Variants in SLAMF9 observed in about 807,000 individuals in gnomAD.
SLAMF9 encodes SLAM family member 9.
A neutral mutation model predicts 30.4 loss-of-function variants in SLAMF9; 25 were observed. That is an observed-to-expected ratio of 0.82 (90% confidence interval 0.60 to 1.15). The LOEUF is 1.15. Among genes scored for constraint, SLAMF9 ranks in the 50% most tolerant of loss-of-function variants. The pLI, the probability that SLAMF9 is intolerant of heterozygous loss-of-function variation, is 0.00. For synonymous variants in SLAMF9, 129 were observed against 127.2 expected, an observed-to-expected ratio of 1.01 and a Z score of -0.09; for missense variants, 344 against 346.1, an observed-to-expected ratio of 0.99 and a Z score of 0.05.
intron 1 of SLAMF9, 37 bp from the exon 2 acceptor site, chr1:159,953,690 G>T: frequency 6.5e-7 from 1 of 1,549,780 alleles, no homozygotes; most frequent in Non-Finnish European, 8.7e-7. Context: ...CAACCCAGCT[G>T]CTGTCTCTGG....
intron 2 of SLAMF9, 81 bp downstream of exon 2, chr1:159,953,228 G>T: frequency 8.4e-7 from 1 of 1,194,098 alleles, no homozygotes; most frequent in Non-Finnish European, 1.2e-6. Flanking sequence ...ATAACCCCAA[G>T]TCCTGAGACG....
the SLAMF9 span, among the ~76,000 whole-genome samples, chr1:159,960,543 G>A: frequency 6.7e-6 from 1 of 148,950 alleles, no homozygotes; most frequent in African/African-American, 2.5e-5. Context: ...TCGGCTAACT[G>A]CAACCTCCAC....
Position 159,951,756 on chromosome 1 carries a change from C to A in SLAMF9, c.775G>T (p.Val259Phe). 6.2e-7 allele frequency: 1 copy of A among 1,614,138 alleles called. No homozygotes were observed. The highest frequency in any genetic ancestry group is 8.5e-7 in the Non-Finnish European group (1 of 1,180,028). The change falls in exon 4 of 4, where the codon GTC becomes TTC. Residue 259 changes from valine (V) to phenylalanine (F), a missense_variant. Transcript: ENST00000368093. ...CTTGGCATTTTGTGTCTTTTCTGGA[C>A]TCGGATGACCCAGAGTCCCATGGCC... ...ILAMGLWVIRVQKRHKMPRMK... is the reference protein window; with the variant it reads ...ILAMGLWVIRFQKRHKMPRMK...
chr1:159,953,971 A>G, intron 1 of SLAMF9, 121 bp downstream of exon 1: 1 of 1,235,132 alleles, frequency 8.1e-7, no homozygotes, highest in Non-Finnish European at 1.2e-6. Flanking sequence ...TACTCCTTGT[A>G]ACTCCAGAAG....
At chr1:159,959,949 C>T in the SLAMF9 span, among the ~76,000 whole-genome samples, 1 of 152,074 alleles carries the variant, frequency 6.6e-6, no homozygotes, top group Non-Finnish European at 1.5e-5. Flanking sequence ...ATTCTAACAT[C>T]TTGCTTGTAG....
At position 159,953,382 on chromosome 1, in the gene SLAMF9, C is replaced by T. The variant is rs757009282; in HGVS notation, c.318G>A (p.Gly106=). ...HISNLSWEDS[G]LYQAQVNLRT... ...TCAGGTTGACTTGAGCTTGGTAAAG[C>T]CCTGAATCCTCCCAGCTCAGATTGC... is the stretch of plus-strand genomic sequence containing the variant. The change falls in exon 2 of 4, where the codon GGG becomes GGA. Residue 106 remains glycine (G), a synonymous_variant. Coordinates refer to ENST00000368093, the MANE Select transcript of SLAMF9 (RefSeq NM_033438.4). 3 of 1,614,174 alleles carry T rather than the reference C, an allele frequency of 1.9e-6. No individual in the cohort carries two copies. The highest frequency in any genetic ancestry group is 2.5e-6 in the Non-Finnish European group (3 of 1,180,006).
upstream of SLAMF9, among the ~76,000 whole-genome samples, chr1:159,955,888 A>G (rs1651912006): frequency 6.6e-6 from 1 of 152,240 alleles, no homozygotes; most frequent in Non-Finnish European, 1.5e-5. Context: ...ATAAAACCTG[A>G]GGGATTAGAA....
In SLAMF9 at chr1:159,952,152, G is replaced by A. The variant is rs1180474779; in HGVS notation, c.664+110C>T. On this transcript the variant is annotated intron_variant, in intron 3 of 3. Transcript: ENST00000368093. Reference sequence around the variant, plus strand: ...CAGGTGTCAAGCCTCCATGGGAGGGGGTTAGCTTCTGAATTCCCTGGGCTC... The same window carrying A: ...CAGGTGTCAAGCCTCCATGGGAGGGAGTTAGCTTCTGAATTCCCTGGGCTC... 7 of 1,293,238 alleles carry A rather than the reference G, an allele frequency of 5.4e-6. No homozygotes were observed. In the East Asian group the frequency reaches 9.3e-5, roughly 17 times the overall value. 80.1% of individuals were successfully genotyped at this position (1,293,238 alleles called of 1,614,324 possible). A position where few individuals can be genotyped will look rare whatever the true frequency, so the allele number is the denominator to read the frequency against.
chr1:159,975,026 G>A, the SLAMF9 span, among the ~76,000 whole-genome samples: 1 of 152,148 alleles, frequency 6.6e-6, no homozygotes, highest in Non-Finnish European at 1.5e-5. Flanking sequence ...GGGTTTCCAA[G>A]TGTGGTCTGA....
upstream of SLAMF9, among the ~76,000 whole-genome samples, chr1:159,956,451 C>A (rs1651924611): frequency 1.3e-5 from 2 of 151,836 alleles, no homozygotes; most frequent in South Asian, 2.1e-4. Context: ...CAGAGACCAC[C>A]CAGAATAGAG....
chr1:159,952,331 T>A lies in SLAMF9; in HGVS notation c.595A>T (p.Thr199Ser), dbSNP rs779002265. 3 of 1,613,910 alleles carry A rather than the reference T, an allele frequency of 1.9e-6. No individual in the cohort carries two copies. The highest frequency in any genetic ancestry group is 2.5e-6 in the Non-Finnish European group (3 of 1,179,950). The change falls in exon 3 of 4, where the codon ACC becomes TCC. Residue 199 changes from threonine to serine, a missense_variant. Thr to Ser is a moderately conservative substitution (Grantham distance 58). Coordinates refer to ENST00000368093, the MANE Select transcript of SLAMF9 (RefSeq NM_033438.4). The stretch of plus-strand genomic sequence containing the variant: ...CTGATGGGGTTGTTGGCTCTGCAGG[T>A]GTAGGAGAGGGCACTGTCCCCCGGC... The part of the protein sequence containing the change: ...WRPGDSALSY[T>S]CRANNPISNV...
upstream of SLAMF9, among the ~76,000 whole-genome samples, chr1:159,954,494 A>G (rs1651881929): frequency 6.6e-6 from 1 of 152,146 alleles, no homozygotes; most frequent in African/African-American, 2.4e-5. Context: ...CTCGTAGAAC[A>G]TTCCCTATCC....
chr1:159,952,220 T>A (rs1345278395), intron 3 of SLAMF9, 42 bp downstream of exon 3: 1 of 1,605,252 alleles, frequency 6.2e-7, no homozygotes, highest in South Asian at 1.1e-5. Flanking sequence ...CTCTAGGCAC[T>A]ATCTTTCATG....
At chr1:159,977,069 C>T in the SLAMF9 span, 3 of 151,914 alleles carry the variant, frequency 2.0e-5, no homozygotes, top group East Asian at 1.9e-4. Flanking sequence ...ACAACATGAC[C>T]GGGAAGATTT....
chr1:159,958,646 A>G (rs1038410655), upstream of SLAMF9, among the ~76,000 whole-genome samples: 8 of 151,664 alleles, frequency 5.3e-5, no homozygotes, highest in Non-Finnish European at 1.2e-4. Flanking sequence ...ATTTTTTTTT[A>G]TAGAGATGGG....
chr1:159,962,860 GC>G, the SLAMF9 span, among the ~76,000 whole-genome samples: 1 of 152,140 alleles, frequency 6.6e-6, no homozygotes, highest in South Asian at 2.1e-4. Flanking sequence ...TATTAAGAGT[GC>G]CCCCTTTCAC....
At chr1:159,968,487 C>T in the SLAMF9 span, among the ~76,000 whole-genome samples, 1 of 152,220 alleles carries the variant, frequency 6.6e-6, no homozygotes, top group African/African-American at 2.4e-5. Flanking sequence ...CGTCTCTCTT[C>T]CCTATCAAGT....
the SLAMF9 span, among the ~76,000 whole-genome samples, chr1:159,963,406 A>T: frequency 1.3e-5 from 2 of 152,126 alleles, no homozygotes; most frequent in Non-Finnish European, 2.9e-5. Flanking sequence ...GTCTAAAGAG[A>T]CAGCAAGCAT....
chr1:159,951,618 C>G lies in SLAMF9; in HGVS notation c.*43G>C. The stretch of plus-strand genomic sequence containing the variant: ...GAGCTGAGGAAGGATTCTCTGGGTG[C>G]TGGGAAGAAACCAAGCTCAGGACTG... On this transcript the variant is annotated 3_prime_UTR_variant, in exon 4 of 4. Coordinates refer to ENST00000368093, the MANE Select transcript of SLAMF9 (RefSeq NM_033438.4). The G allele has an allele frequency of 1.3e-6, 2 of 1,587,302 alleles. No homozygotes were observed. Among genetic ancestry groups the G allele is most frequent in the Middle Eastern group, 2.0e-4 (1 of 4,966 alleles).
Sources: allele counts gnomAD v4.1 joint callset (sites outside exome capture counted in the v4.1 genomes callset), GRCh38; gene constraint gnomAD v4.1.1; transcripts MANE v1.5; gene names NCBI Gene and HGNC (gene_info 2026-07-23, HGNC 2026-07-21).